DCLK1: variants seen among roughly 807,000 people sequenced by gnomAD.
The protein encoded by DCLK1 is serine/threonine-protein kinase DCLK1.
A neutral mutation model predicts 86.2 loss-of-function variants in DCLK1; 16 were observed. The observed-to-expected ratio is 0.19, with a 90% confidence interval of 0.13 to 0.28. DCLK1 has a LOEUF of 0.28. Ranked by LOEUF, DCLK1 falls within the 10% of genes least tolerant of loss-of-function variation. DCLK1 has a pLI of 1.00. For missense variants in DCLK1, 590 were observed against 940.2 expected (o/e 0.63, Z 4.87); for synonymous variants, 369 against 370.5 (o/e 1.00, Z 0.05).
Position 36,125,632 on chromosome 13 carries a change from TG to T in DCLK1, c.376+129del. 3.0e-6 allele frequency: 4 copies of T among 1,347,646 alleles called. No individual in the cohort carries two copies. The South Asian group carries it at 6.0e-5, about 20-fold the overall frequency. The allele number at this position is 1,347,646 out of a possible 1,614,324, so 83.5% of individuals were successfully genotyped here. A position where few individuals can be genotyped will look rare whatever the true frequency, so the allele number is the denominator to read the frequency against. ...CTACACAATAGCACATTCGTATGTCTGAAACTATAAGGATCACAGCCATAAG... is the reference window on the plus strand; with the variant it reads ...CTACACAATAGCACATTCGTATGTCTAAACTATAAGGATCACAGCCATAAG... On this transcript the variant is annotated intron_variant, in intron 2 of 16. Coordinates refer to ENST00000360631, the MANE Select transcript of DCLK1 (RefSeq NM_001330071.2).
intron 5 of DCLK1, among the ~76,000 whole-genome samples, chr13:35,861,016 G>A (rs1871350469): frequency 6.6e-6 from 1 of 152,206 alleles, no homozygotes; most frequent in African/African-American, 2.4e-5. Context: ...AGAAGAAATG[G>A]GGGACATGAG....
At chr13:36,019,683 T>C (rs1209896844) in intron 3 of DCLK1, among the ~76,000 whole-genome samples, 1 of 152,208 alleles carries the variant, frequency 6.6e-6, no homozygotes, top group Non-Finnish European at 1.5e-5. Flanking sequence ...ATTTTCTTTT[T>C]CTGCTTATTT....
At chr13:35,846,279 A>C (rs1870167821) in intron 6 of DCLK1, 1 of 984,944 alleles carries the variant, frequency 1.0e-6, no homozygotes, top group African/African-American at 1.7e-5. Flanking sequence ...CAAAGTAAAG[A>C]GTTCTTAGAA....
At chr13:35,928,459 C>T (rs1178466418) in intron 4 of DCLK1, among the ~76,000 whole-genome samples, 1 of 152,196 alleles carries the variant, frequency 6.6e-6, no homozygotes, top group Non-Finnish European at 1.5e-5. Flanking sequence ...GCTCAAATGT[C>T]ACTGCTTCCT....
chr13:35,996,049 C>T (rs1880458127), intron 3 of DCLK1, among the ~76,000 whole-genome samples: 1 of 152,096 alleles, frequency 6.6e-6, no homozygotes, highest in African/African-American at 2.4e-5. Context: ...CTGCCTCAGC[C>T]TCCCAAGCAT....
Position 35,870,707 on chromosome 13 carries a change from A to G in DCLK1, c.940+517T>C, listed in dbSNP as rs572936904. 5.3e-5 allele frequency among the ~76,000 whole-genome samples: 8 copies of G among 152,326 alleles called. No individual in the cohort carries two copies. In the South Asian group the frequency reaches 6.2e-4, roughly 12 times the overall value. On this transcript the variant is annotated intron_variant, in intron 5 of 16. Coordinates refer to ENST00000360631, the MANE Select transcript of DCLK1 (RefSeq NM_001330071.2). ...CATCTTGTGCATACACAGCCTCTCCAACACCAGCACTAGAATCCACTGAGA... is the reference window on the plus strand; with the variant it reads ...CATCTTGTGCATACACAGCCTCTCCGACACCAGCACTAGAATCCACTGAGA...
At chr13:35,821,923 AGT>A (rs2087403622) in intron 11 of DCLK1, among the ~76,000 whole-genome samples, 1 of 151,900 alleles carries the variant, frequency 6.6e-6, no homozygotes, top group African/African-American at 2.4e-5. Flanking sequence ...CAAACCAAAT[AGT>A]GTAAAGTTGG....
At chr13:35,838,027 T>C (rs1399547181) in intron 7 of DCLK1, among the ~76,000 whole-genome samples, 2 of 143,278 alleles carry the variant, frequency 1.4e-5, no homozygotes, top group Non-Finnish European at 3.0e-5. Flanking sequence ...GATAGTGTCA[T>C]TGCACTCTAG....
intron 5 of DCLK1, among the ~76,000 whole-genome samples, chr13:35,860,308 A>G (rs1871305358): frequency 6.7e-6 from 1 of 150,110 alleles, no homozygotes; most frequent in Non-Finnish European, 1.5e-5. Context: ...AAGGAAAAAA[A>G]ATGCAGGGGG....
chr13:36,075,356 G>A (rs112999186), intron 3 of DCLK1, among the ~76,000 whole-genome samples: 2,011 of 152,116 alleles, frequency 0.013, 48 homozygotes, highest in African/African-American at 0.046. Flanking sequence ...TTTTTATCAC[G>A]CAGGGGGTAA....
chr13:35,940,679 C>T lies in DCLK1; in HGVS notation c.823+6679G>A, dbSNP rs536857439. Among the ~76,000 whole-genome samples the T allele has an allele frequency of 2.2e-4, 34 of 152,280 alleles. No homozygotes were observed. In the South Asian group the frequency reaches 4.4e-3, roughly 20 times the overall value. The stretch of plus-strand genomic sequence containing the variant: ...TTTAGAAGTCTGATTGGTTCTTCTA[C>T]AGGTGGTTTAGTTTAATCTTCTAGA... On this transcript the variant is annotated intron_variant, in intron 4 of 16. Coordinates refer to ENST00000360631, the MANE Select transcript of DCLK1 (RefSeq NM_001330071.2).
intron 3 of DCLK1, among the ~76,000 whole-genome samples, chr13:36,027,444 G>A (rs1158040006): frequency 6.6e-6 from 1 of 152,294 alleles, no homozygotes; most frequent in African/African-American, 2.4e-5. Context: ...GGGGACTGCT[G>A]CTCCATACCA....
In DCLK1 at chr13:36,125,978, T is replaced by A; in HGVS notation, c.160A>T (p.Lys54Ter). The part of the protein sequence containing the change: ...TRTLQTLSSE[K>*]KAKKVRFYRN... The stretch of plus-strand genomic sequence containing the variant: ...TAGAAACGAACTTTCTTGGCCTTCT[T>A]CTCGGAGCTGAGCGTCTGCAGCGTG... The change falls in exon 2 of 17, where the codon AAG (lysine) becomes TAG (stop). Residue 54 changes from lysine (K) to a stop codon, truncating the protein, a stop_gained. Transcript: ENST00000360631. LOFTEE classifies it high-confidence loss of function. 1 of 1,614,144 alleles carries A rather than the reference T, an allele frequency of 6.2e-7. No individual in the cohort carries two copies.
At chr13:35,791,906 T>C (rs1167955721) in intron 16 of DCLK1, among the ~76,000 whole-genome samples, 2 of 152,168 alleles carry the variant, frequency 1.3e-5, no homozygotes, top group Non-Finnish European at 2.9e-5. Context: ...GGAATAGACA[T>C]ATATCTTGAA....
chr13:35,774,635 C>A lies in DCLK1; in HGVS notation c.2123G>T (p.Arg708Leu), dbSNP rs757007588. 2 of 1,607,264 alleles carry A rather than the reference C, an allele frequency of 1.2e-6. No individual in the cohort carries two copies. Among genetic ancestry groups the A allele is most frequent in the African/African-American group, 1.3e-5 (1 of 74,766 alleles). The change falls in exon 17 of 17, where the codon CGG (arginine) becomes CTG (leucine). Residue 708 changes from arginine (R) to leucine (L), a missense_variant. Arg to Leu is a moderately radical substitution (Grantham distance 102). Around this residue, in one of 6 missense-constraint regions of DCLK1, gnomAD observed 146 missense variants for 190.2 expected, o/e 0.77. Coordinates refer to ENST00000360631, the MANE Select transcript of DCLK1 (RefSeq NM_001330071.2). ...RRRRNQDVRS[R>L]YKAQPAPPEL... ...GGGAGGAGCTGGCTGCGCCTTGTAC[C>A]GGCTCCTCACATCCTGGTTGCGTCT...
At chr13:35,992,005 A>T (rs974025223) in intron 3 of DCLK1, among the ~76,000 whole-genome samples, 1 of 152,200 alleles carries the variant, frequency 6.6e-6, no homozygotes, top group Non-Finnish European at 1.5e-5. Context: ...AATTATAAAA[A>T]TTATGTTTTA....
intron 3 of DCLK1, among the ~76,000 whole-genome samples, chr13:36,099,665 A>T (rs1407311517): frequency 6.6e-6 from 1 of 152,252 alleles, no homozygotes; most frequent in Non-Finnish European, 1.5e-5. Context: ...AAACATTAAA[A>T]GACATTTATG....
chr13:35,894,214 G>T (rs757824757), intron 4 of DCLK1, among the ~76,000 whole-genome samples: 1 of 152,004 alleles, frequency 6.6e-6, no homozygotes, highest in Non-Finnish European at 1.5e-5. Context: ...GATACTCAAC[G>T]TGTACTTCCC....
At chr13:35,923,605 CCT>C (rs527986491) in intron 4 of DCLK1, among the ~76,000 whole-genome samples, 14 of 152,060 alleles carry the variant, frequency 9.2e-5, no homozygotes, top group Non-Finnish European at 1.8e-4. Flanking sequence ...TGGCTCAGCC[CCT>C]GATTCACCAG....
Sources: allele counts gnomAD v4.1 joint callset (sites outside exome capture counted in the v4.1 genomes callset), GRCh38; gene constraint gnomAD v4.1.1; regional missense constraint gnomAD v4.1.1; transcripts MANE v1.5; gene names NCBI Gene and HGNC (gene_info 2026-07-23, HGNC 2026-07-21).